GALNS: variants seen among roughly 807,000 people sequenced by gnomAD.
GALNS encodes galactosamine (N-acetyl)-6-sulfatase, also known as N-acetylgalactosamine-6-sulfatase.
In GALNS, 65 loss-of-function variants were observed where a neutral mutation model predicts 65.9. The ratio of observed to expected loss-of-function variants is 0.99; its 90% CI spans 0.81 to 1.21. The LOEUF (loss-of-function observed/expected upper bound fraction) is 1.21, where lower values mean the gene tolerates loss of function less well. Among genes scored for constraint, GALNS ranks in the 50% most tolerant of loss-of-function variants. GALNS has a pLI of 0.00. For missense variants in GALNS, 776 were observed against 700.7 expected, an observed-to-expected ratio of 1.11 and a Z score of -1.21; for synonymous variants, 346 against 288.9, an observed-to-expected ratio of 1.20 and a Z score of -2.00.
At chr16:88,849,652 G>A (rs1256563639) in intron 1 of GALNS, among the ~76,000 whole-genome samples, 1 of 152,156 alleles carries the variant, frequency 6.6e-6, no homozygotes, top group Non-Finnish European at 1.5e-5. Flanking sequence ...TGAGTGAACT[G>A]AGCTCAAGCA....
Position 88,815,986 on chromosome 16 carries a change from C to A in GALNS, c.1483-1461G>T, listed in dbSNP as rs117040995. 6.2e-5 allele frequency: 61 copies of A among 985,232 alleles called. No homozygotes were observed. In the Admixed American group the frequency reaches 3.8e-3, roughly 61 times the overall value. 61.0% of individuals were successfully genotyped at this position (985,232 alleles called of 1,614,324 possible). ...TCTCCTGGGGCTGGCCTGGAGTTGG[C>A]GGGGACAGAGGGCAGGGAAGGGGTA... On this transcript the variant is annotated intron_variant, in intron 13 of 13. Coordinates refer to ENST00000268695, the MANE Select transcript of GALNS (RefSeq NM_000512.5).
intron 1 of GALNS, among the ~76,000 whole-genome samples, chr16:88,848,140 TC>T (rs1202843515): frequency 2.0e-5 from 3 of 152,082 alleles, no homozygotes; most frequent in Non-Finnish European, 4.4e-5. Context: ...AAAAGGCAGA[TC>T]CTTAGAGACA....
At chr16:88,826,552 C>T (rs956672214) in intron 10 of GALNS, 150 bp downstream of exon 10, 1 of 936,234 alleles carries the variant, frequency 1.1e-6, no homozygotes, top group Non-Finnish European at 1.6e-6. Flanking sequence ...CCTCTCGTCT[C>T]AGGCACCCCT....
chr16:88,826,952 A>G (rs1441759882), intron 9 of GALNS, 114 bp from the exon 10 acceptor site: 6 of 1,257,630 alleles, frequency 4.8e-6, no homozygotes, highest in Admixed American at 2.0e-5. Flanking sequence ...ACAGATATGC[A>G]TACATGCTCA....
intron 9 of GALNS, among the ~76,000 whole-genome samples, chr16:88,827,370 G>C (rs1911040048): frequency 6.6e-6 from 1 of 152,236 alleles, no homozygotes; most frequent in Admixed American, 6.5e-5. Flanking sequence ...GACCTCCGGA[G>C]GGCGTGGGCA....
intron 13 of GALNS, chr16:88,816,159 G>A (rs1460651715): frequency 5.1e-5 from 50 of 985,350 alleles, no homozygotes; most frequent in Admixed American, 6.1e-5. Context: ...AGGTGTGGCG[G>A]TGGGGGCAGT....
intron 1 of GALNS, among the ~76,000 whole-genome samples, chr16:88,850,259 C>A (rs78576147): frequency 0.047 from 7,157 of 152,258 alleles, 233 homozygotes; most frequent in Middle Eastern, 0.15. Context: ...AGTGAGGCCG[C>A]ACATCTGAAT....
intron 1 of GALNS, chr16:88,856,130 T>G: frequency 1.4e-6 from 1 of 701,174 alleles, no homozygotes; most frequent in Non-Finnish European, 2.6e-6. Context: ...CCAGGCTGGC[T>G]GTGACCCCTG....
intron 13 of GALNS, among the ~76,000 whole-genome samples, chr16:88,817,617 C>T (rs1156236413): frequency 6.6e-6 from 1 of 152,202 alleles, no homozygotes; most frequent in Non-Finnish European, 1.5e-5. Flanking sequence ...TCACAGGGCC[C>T]CTGCAAGGAG....
At chr16:88,819,671 C>T (rs1909999388) in intron 12 of GALNS, among the ~76,000 whole-genome samples, 1 of 152,028 alleles carries the variant, frequency 6.6e-6, no homozygotes, top group South Asian at 2.1e-4. Context: ...TAGCTGGGAC[C>T]ATAGATCACT....
At chr16:88,822,939 G>A (rs765907150) in intron 11 of GALNS, among the ~76,000 whole-genome samples, 47 of 152,150 alleles carry the variant, frequency 3.1e-4, no homozygotes, top group Admixed American at 4.6e-4. Context: ...AAGGACTAGC[G>A]GGCCCATAAG....
intron 1 of GALNS, among the ~76,000 whole-genome samples, chr16:88,850,778 A>G (rs191791568): frequency 5.3e-5 from 8 of 152,354 alleles, no homozygotes; most frequent in Non-Finnish European, 8.8e-5. Flanking sequence ...TGCGAGACTC[A>G]GTTCCCAGGG....
intron 1 of GALNS, chr16:88,843,714 A>G: frequency 6.3e-6 from 1 of 159,286 alleles, no homozygotes; most frequent in East Asian, 1.8e-4. Flanking sequence ...TTGATTTTGC[A>G]CTTCTGGCCT....
chr16:88,853,879 C>A (rs758440122), intron 1 of GALNS, among the ~76,000 whole-genome samples: 2 of 152,214 alleles, frequency 1.3e-5, no homozygotes, highest in Non-Finnish European at 2.9e-5. Flanking sequence ...GCTGCTCTCA[C>A]CCCTGAGTCC....
intron 5 of GALNS, 136 bp downstream of exon 5, chr16:88,837,486 C>T: frequency 1.1e-6 from 1 of 879,408 alleles, no homozygotes; most frequent in South Asian, 1.5e-5. Flanking sequence ...AACCAAAGCC[C>T]TCGGTGCCCG....
chr16:88,824,541 C>T (rs894973497), intron 11 of GALNS, among the ~76,000 whole-genome samples: 4 of 152,124 alleles, frequency 2.6e-5, no homozygotes, highest in South Asian at 4.1e-4. Context: ...CGCGGGGCTA[C>T]TGTCATCACG....
At chr16:88,851,347 C>G (rs1286476051) in intron 1 of GALNS, among the ~76,000 whole-genome samples, 2 of 152,086 alleles carry the variant, frequency 1.3e-5, no homozygotes, top group Non-Finnish European at 2.9e-5. Context: ...GACACTGTCA[C>G]TAAAAAAAAC....
chr16:88,817,812 C>G (rs983781278), intron 13 of GALNS, among the ~76,000 whole-genome samples, 195 bp downstream of exon 13: 1 of 152,204 alleles, frequency 6.6e-6, no homozygotes, highest in Non-Finnish European at 1.5e-5. Context: ...TTGTTCTGGT[C>G]CCCGAGTCGC....
rs765331645 is a variant in GALNS at position 88,836,257 on chromosome 16, C to T, written c.577G>A (p.Glu193Lys). Reference protein sequence around the residue: ...DWEMVGRYYEEFPINLKTGEA... With the variant: ...DWEMVGRYYEKFPINLKTGEA... ...CCCGTCTTCAGATTAATAGGAAATTCTTCATAATATCTGAAAAGAACACAG... is the reference window on the plus strand; with the variant it reads ...CCCGTCTTCAGATTAATAGGAAATTTTTCATAATATCTGAAAAGAACACAG... Residue 193 changes from glutamate (E) to lysine (K), a missense_variant, in exon 6 of 14, where the codon GAA (glutamate) becomes AAA (lysine). Transcript: ENST00000268695. 4.3e-6 allele frequency: 7 copies of T among 1,612,350 alleles called. No homozygotes were observed. The highest frequency in any genetic ancestry group is 5.9e-6 in the Non-Finnish European group (7 of 1,179,396).
Sources: gnomAD v4.1 joint callset for allele counts (sites outside exome capture counted in the v4.1 genomes callset) on GRCh38, gnomAD v4.1.1 for gene constraint, MANE v1.5 for transcripts, NCBI Gene and HGNC (gene_info 2026-07-23, HGNC 2026-07-21) for gene names.